The following OSBP2 variants were observed in gnomAD, a reference collection of about 807,000 sequenced individuals.
The protein encoded by OSBP2 is oxysterol binding protein 2.
A neutral mutation model predicts 96.0 loss-of-function variants in OSBP2; 66 were observed. The observed-to-expected ratio is 0.69, with a 90% CI of 0.56 to 0.84. The LOEUF (loss-of-function observed/expected upper bound fraction) is 0.84, where lower values mean the gene tolerates loss of function less well. Ranked by LOEUF, OSBP2 falls within the 40% of genes least tolerant of loss-of-function variation. The pLI, the probability that OSBP2 is intolerant of heterozygous loss-of-function variation, is 0.00. For missense variants in OSBP2, 1,038 were observed against 1,222.7 expected (o/e 0.85, Z 2.25); for synonymous variants, 525 against 520.9 (o/e 1.01, Z -0.11).
intron 2 of OSBP2, among the ~76,000 whole-genome samples, chr22:30,800,153 T>C (rs961973657): frequency 1.3e-5 from 2 of 152,204 alleles, no homozygotes; most frequent in Non-Finnish European, 2.9e-5. Context: ...GTTTGCTCAT[T>C]CAAGAGCTAT....
chr22:30,898,533 G>A (rs370557348), intron 12 of OSBP2, among the ~76,000 whole-genome samples: 161 of 152,232 alleles, frequency 1.1e-3, no homozygotes, highest in African/African-American at 3.6e-3. Context: ...CAATCATGGC[G>A]TAAGGTGAAG....
intron 1 of OSBP2, among the ~76,000 whole-genome samples, chr22:30,699,436 T>G (rs2089120967): frequency 6.6e-6 from 1 of 152,208 alleles, no homozygotes; most frequent in African/African-American, 2.4e-5. Context: ...GAGTATAATT[T>G]CTGGGTTGTA....
intron 2 of OSBP2, among the ~76,000 whole-genome samples, chr22:30,811,582 T>A (rs956129996): frequency 2.6e-5 from 4 of 151,956 alleles, no homozygotes; most frequent in African/African-American, 9.7e-5. Context: ...TGAGATGGAG[T>A]CTTGCTCTGT....
intron 1 of OSBP2, among the ~76,000 whole-genome samples, chr22:30,730,023 A>G (rs974258375): frequency 4.6e-5 from 7 of 151,740 alleles, no homozygotes; most frequent in African/African-American, 1.7e-4. Context: ...CAGTGGCACA[A>G]TCTCGCTCGG....
At chr22:30,741,096 G>T (rs1462414699) in intron 1 of OSBP2, 65 bp from the exon 2 acceptor site, 4 of 1,279,060 alleles carry the variant, frequency 3.1e-6, no homozygotes, top group African/African-American at 1.5e-5. Flanking sequence ...TGCCTGGAGG[G>T]TTTCTTTAGT....
intron 2 of OSBP2, among the ~76,000 whole-genome samples, chr22:30,784,787 T>C (rs1205707640): frequency 2.0e-5 from 3 of 151,918 alleles, no homozygotes; most frequent in African/African-American, 7.3e-5. Flanking sequence ...ATTTTTTTTT[T>C]TTTTGAGATG....
rs116023036 is a variant in OSBP2 at position 30,827,471 on chromosome 22, T to G, written c.854-42958T>G. On this transcript the variant is annotated intron_variant, in intron 2 of 13. Coordinates refer to ENST00000332585, the MANE Select transcript of OSBP2 (RefSeq NM_030758.4). Reference sequence around the variant, plus strand: ...GTCTTAAAATGATGGCAGTAATACGTATGGAAGCCCCTGCCCATCCTGGCA... The same window carrying G: ...GTCTTAAAATGATGGCAGTAATACGGATGGAAGCCCCTGCCCATCCTGGCA... Among the ~76,000 whole-genome samples the G allele has an allele frequency of 7.3e-3, 1,115 of 152,316 alleles. 14 individuals carry two copies. Among genetic ancestry groups the G allele is most frequent in the African/African-American group, 0.025 (1,048 of 41,558 alleles).
chr22:30,870,819 C>A lies in OSBP2; in HGVS notation c.1107+137C>A. On this transcript the variant is annotated intron_variant, in intron 3 of 13. Coordinates refer to ENST00000332585, the MANE Select transcript of OSBP2 (RefSeq NM_030758.4). This position sits in a 1 kb window ranked among gnomAD's most constrained non-coding sequence, Gnocchi z 4.1. ...TCCACGGTGTTTCCCAAAGCCAGCG[C>A]CCCCCAGCTAGCTTCCGAGTTCTTA... is the stretch of plus-strand genomic sequence containing the variant. The A allele has an allele frequency of 1.1e-6, 1 of 875,342 alleles. No individual in the cohort carries two copies. Among genetic ancestry groups the A allele is most frequent in the South Asian group, 1.7e-5 (1 of 58,066 alleles). 54.2% of individuals were successfully genotyped at this position (875,342 alleles called of 1,614,324 possible).
chr22:30,827,820 C>A (rs2038435171), intron 2 of OSBP2, among the ~76,000 whole-genome samples: 1 of 152,156 alleles, frequency 6.6e-6, no homozygotes, highest in Non-Finnish European at 1.5e-5. Context: ...AGCCCGTGGC[C>A]CACGGAAGGG....
In OSBP2 at chr22:30,906,214, TACACG is replaced by T; in HGVS notation, c.2627_2631del (p.Tyr876SerfsTer5). On this transcript the variant is annotated frameshift_variant, in exon 14 of 14. Coordinates refer to ENST00000332585, the MANE Select transcript of OSBP2 (RefSeq NM_030758.4). LOFTEE classifies it high-confidence loss of function. Reference sequence around the variant, plus strand: ...CCCAGCAGAGAAGGAGGCGGATGCCTACACGCCACTGTGGTTTGAGAAGAGGCTGG... The same window carrying T: ...CCCAGCAGAGAAGGAGGCGGATGCCTCCACTGTGGTTTGAGAAGAGGCTGG... The T allele has an allele frequency of 6.2e-7, 1 of 1,614,136 alleles. No homozygotes were observed.
chr22:30,884,717 G>GC (rs1158947204), intron 3 of OSBP2, among the ~76,000 whole-genome samples: 1 of 152,074 alleles, frequency 6.6e-6, no homozygotes, highest in Non-Finnish European at 1.5e-5. Context: ...CAGGCAGGGT[G>GC]CCCCAGTGCA....
At chr22:30,901,144 T>C (rs560013127) in intron 12 of OSBP2, among the ~76,000 whole-genome samples, 8 of 152,152 alleles carry the variant, frequency 5.3e-5, no homozygotes, top group Non-Finnish European at 1.2e-4. Context: ...TCTCGACTCA[T>C]TGCAACCTCC....
intron 2 of OSBP2, among the ~76,000 whole-genome samples, chr22:30,775,453 CA>C (rs773436557): frequency 0.061 from 8,002 of 130,276 alleles, 239 homozygotes; most frequent in Non-Finnish European, 0.082. Context: ...ACTAAAAATA[CA>C]AAAAAAAAAA....
At chr22:30,739,525 A>G (rs1428602066) in intron 1 of OSBP2, among the ~76,000 whole-genome samples, 1 of 151,932 alleles carries the variant, frequency 6.6e-6, no homozygotes, top group African/African-American at 2.4e-5. Flanking sequence ...CCCAGGCTGG[A>G]GTGTAGTGGC....
At chr22:30,708,339 C>T (rs1179417883) in intron 1 of OSBP2, among the ~76,000 whole-genome samples, 1 of 152,056 alleles carries the variant, frequency 6.6e-6, no homozygotes, top group Non-Finnish European at 1.5e-5. Context: ...ACCCCATGTA[C>T]CCATTACCTA....
chr22:30,878,862 C>T (rs544074822), intron 3 of OSBP2, among the ~76,000 whole-genome samples: 19 of 152,172 alleles, frequency 1.2e-4, no homozygotes, highest in South Asian at 1.0e-3. Flanking sequence ...TCGATGGAGT[C>T]GGCTCGGGGG....
chr22:30,807,892 C>T (rs1269579313), intron 2 of OSBP2, among the ~76,000 whole-genome samples: 1 of 152,158 alleles, frequency 6.6e-6, no homozygotes, highest in Admixed American at 6.5e-5. Context: ...CTCAAGTGAT[C>T]CTCCTGCCTT....
At chr22:30,849,224 A>G (rs2147055393) in intron 2 of OSBP2, among the ~76,000 whole-genome samples, 1 of 152,270 alleles carries the variant, frequency 6.6e-6, no homozygotes, top group East Asian at 1.9e-4. Flanking sequence ...AGCTATGATC[A>G]TGCCACTGCA....
At chr22:30,767,015 C>T (rs1031260275) in intron 2 of OSBP2, among the ~76,000 whole-genome samples, 2 of 151,462 alleles carry the variant, frequency 1.3e-5, no homozygotes, top group Non-Finnish European at 2.9e-5. Context: ...AGGTAAAAAC[C>T]TCAGAACAGT....
Sources: allele counts gnomAD v4.1 joint callset (sites outside exome capture counted in the v4.1 genomes callset), GRCh38; gene constraint gnomAD v4.1.1; non-coding constraint Gnocchi (gnomAD v3.1); transcripts MANE v1.5; gene names NCBI Gene and HGNC (gene_info 2026-07-23, HGNC 2026-07-21).